Variants in RUVBL1 observed in about 807,000 individuals in gnomAD.
RUVBL1 encodes the protein RuvB like AAA ATPase 1.
A neutral mutation model predicts 52.4 loss-of-function variants in RUVBL1; 4 were observed. The ratio of observed to expected loss-of-function variants is 0.08; its 90% CI spans 0.04 to 0.17. The LOEUF (loss-of-function observed/expected upper bound fraction) is 0.17. Ranked by LOEUF, RUVBL1 falls within the 10% of genes least tolerant of loss-of-function variation. The pLI is 1.00. For synonymous variants in RUVBL1, 217 were observed against 214.4 expected (o/e 1.01, Z -0.10); for missense variants, 298 against 572.8 (o/e 0.52, Z 4.90).
intron 1 of RUVBL1, among the ~76,000 whole-genome samples, chr3:128,150,619 ATATTCTATG>A (rs1191393365): frequency 7.7e-6 from 1 of 129,058 alleles, no homozygotes; most frequent in African/African-American, 3.2e-5. Context: ...AATAGAATAT[ATATTCTATG>A]TATATATTCT....
intron 3 of RUVBL1, among the ~76,000 whole-genome samples, chr3:128,106,138 C>T (rs1450890500): frequency 6.6e-6 from 1 of 152,102 alleles, no homozygotes; most frequent in African/African-American, 2.4e-5. Flanking sequence ...CCTTGGCCTC[C>T]CAAAGTGCTG....
Position 128,104,875 on chromosome 3 carries a change from C to A in RUVBL1, c.411G>T (p.Glu137Asp), listed in dbSNP as rs376687212. 9 of 1,612,614 alleles carry A rather than the reference C, an allele frequency of 5.6e-6. No homozygotes were observed. The African/African-American group carries it at 1.1e-4, about 19-fold the overall frequency. The change falls in exon 4 of 11, where the codon GAG becomes GAT. Residue 137 changes from glutamate to aspartate, a missense_variant. This residue lies in a region of RUVBL1 where 58 missense variants were observed against 83.2 expected (regional missense o/e 0.70). Coordinates refer to ENST00000322623, the MANE Select transcript of RUVBL1 (RefSeq NM_003707.3). ...GATTCTCTGTCTCACACGGAGTTAG[C>A]TCTGTGACTTCACCTTCATAAACTT... ...TKEVYEGEVT[E>D]LTPCETENPM... is the part of the protein sequence containing the mutation.
intron 1 of RUVBL1, among the ~76,000 whole-genome samples, chr3:128,149,716 T>C (rs1944157800): frequency 6.6e-6 from 1 of 152,180 alleles, no homozygotes; most frequent in Admixed American, 6.5e-5. Flanking sequence ...TTTCTCTCCA[T>C]GGGAATCTGT....
At chr3:128,075,716 G>C (rs1231485503) in intron 9 of RUVBL1, 1 of 152,218 alleles carries the variant, frequency 6.6e-6, no homozygotes, top group East Asian at 1.9e-4. Context: ...CGGAGCCTGG[G>C]CCCGAAACGC....
chr3:128,065,270 T>C (rs1941931492), intron 9 of RUVBL1: 3 of 620,914 alleles, frequency 4.8e-6, no homozygotes, highest in South Asian at 1.9e-5. Context: ...AGTGAAATCA[T>C]GTTCTTCTGG....
chr3:128,072,582 G>A (rs906858906), intron 9 of RUVBL1, among the ~76,000 whole-genome samples: 11 of 152,078 alleles, frequency 7.2e-5, no homozygotes, highest in African/African-American at 2.7e-4. Context: ...GGTCTGCCCC[G>A]CGCTCCCTCT....
chr3:128,145,502 G>A (rs553797208), intron 1 of RUVBL1, among the ~76,000 whole-genome samples: 12 of 152,372 alleles, frequency 7.9e-5, no homozygotes, highest in East Asian at 7.7e-4. Context: ...AGAGGTCTGA[G>A]GAAGCTTCCA....
intron 9 of RUVBL1, among the ~76,000 whole-genome samples, chr3:128,072,796 C>T (rs908698008): frequency 5.9e-5 from 9 of 152,194 alleles, no homozygotes; most frequent in African/African-American, 2.2e-4. Flanking sequence ...GGCCGTGGCC[C>T]CTCTTGCCTG....
chr3:128,073,242 G>C (rs1409829414), intron 9 of RUVBL1, among the ~76,000 whole-genome samples: 1 of 152,160 alleles, frequency 6.6e-6, no homozygotes, highest in Non-Finnish European at 1.5e-5. Context: ...GCTTCCCCTT[G>C]CTGCCCTTGG....
At chr3:128,151,312 G>C (rs1018647806) in intron 1 of RUVBL1, among the ~76,000 whole-genome samples, 2 of 147,106 alleles carry the variant, frequency 1.4e-5, no homozygotes, top group Non-Finnish European at 1.5e-5. Context: ...TGATCTGCCT[G>C]CCTCAGCCTC....
chr3:128,069,647 G>A, intron 9 of RUVBL1: 1 of 1,614,080 alleles, frequency 6.2e-7, no homozygotes, highest in Non-Finnish European at 8.5e-7. Flanking sequence ...GCAGCATGGG[G>A]GCCCTGCTCT....
intron 1 of RUVBL1, among the ~76,000 whole-genome samples, chr3:128,133,104 A>C (rs1943904621): frequency 6.6e-6 from 1 of 152,212 alleles, no homozygotes; most frequent in Non-Finnish European, 1.5e-5. Context: ...GTAGCCAGGC[A>C]GTTCTTGCTA....
chr3:128,148,793 G>A (rs910646065), intron 1 of RUVBL1, among the ~76,000 whole-genome samples: 1 of 152,130 alleles, frequency 6.6e-6, no homozygotes, highest in African/African-American at 2.4e-5. Flanking sequence ...ACACACACTA[G>A]TGTGCACCCT....
chr3:128,111,445 G>A (rs968114952), intron 3 of RUVBL1, among the ~76,000 whole-genome samples: 2 of 151,884 alleles, frequency 1.3e-5, no homozygotes, highest in Admixed American at 6.6e-5. Flanking sequence ...AATTTTCCTC[G>A]ACTCCTCTCT....
intron 9 of RUVBL1, among the ~76,000 whole-genome samples, chr3:128,073,341 C>A (rs1942223002): frequency 6.6e-6 from 1 of 152,190 alleles, no homozygotes; most frequent in Admixed American, 6.5e-5. Flanking sequence ...GATGCCCTAC[C>A]CCATACCCCG....
At position 128,096,235 on chromosome 3, in the gene RUVBL1, C is replaced by T. The variant is rs553221920; in HGVS notation, c.1016+1065G>A. Reference sequence around the variant, plus strand: ...AGGCACTAATGTTTAAACAAGATCACAGAAAACCAAAAGAGCAATAAAACT... The same window carrying T: ...AGGCACTAATGTTTAAACAAGATCATAGAAAACCAAAAGAGCAATAAAACT... On this transcript the variant is annotated intron_variant, in intron 8 of 10. Transcript: ENST00000322623. Among the ~76,000 whole-genome samples, 7 of 152,296 alleles carry T rather than the reference C, an allele frequency of 4.6e-5. No homozygotes were observed. In the South Asian group the frequency reaches 1.5e-3, roughly 32 times the overall value.
chr3:128,080,593 G>A (rs1942443000), downstream of RUVBL1, among the ~76,000 whole-genome samples: 1 of 152,132 alleles, frequency 6.6e-6, no homozygotes, highest in Non-Finnish European at 1.5e-5. Context: ...CACAATCCCA[G>A]TCTACTCATG....
chr3:128,069,981 G>A (rs982955372), intron 9 of RUVBL1: 3 of 205,530 alleles, frequency 1.5e-5, no homozygotes, highest in Non-Finnish European at 2.9e-5. Flanking sequence ...GTATGCGGCT[G>A]CAGCCGTCTC....
At chr3:128,096,326 C>T (rs1409941932) in intron 8 of RUVBL1, among the ~76,000 whole-genome samples, 8 of 152,220 alleles carry the variant, frequency 5.3e-5, no homozygotes, top group Admixed American at 1.3e-4. Context: ...TCCAGGACCA[C>T]GAGCGTGGAG....
Sources: gnomAD v4.1 joint callset for allele counts (sites outside exome capture counted in the v4.1 genomes callset) on GRCh38, gnomAD v4.1.1 for gene constraint, gnomAD v4.1.1 regional missense constraint, MANE v1.5 for transcripts, NCBI Gene and HGNC (gene_info 2026-07-23, HGNC 2026-07-21) for gene names.